Variants in LHPP observed in about 807,000 individuals in gnomAD.
The protein encoded by LHPP is hLHPP.
A neutral mutation model predicts 30.3 loss-of-function variants in LHPP; 24 were observed. That is an observed-to-expected ratio of 0.79 (90% CI 0.57 to 1.11). LHPP has a LOEUF of 1.11. Among genes scored for constraint, LHPP ranks in the 50% most tolerant of loss-of-function variants. LHPP has a pLI of 0.00. For missense variants in LHPP, 356 were observed against 367.2 expected, an observed-to-expected ratio of 0.97 and a Z score of 0.25; for synonymous variants, 150 against 157.1, an observed-to-expected ratio of 0.95 and a Z score of 0.34.
chr10:124,578,450 A>C (rs1185972104), intron 6 of LHPP, among the ~76,000 whole-genome samples: 1 of 152,172 alleles, frequency 6.6e-6, no homozygotes, highest in Admixed American at 6.5e-5. Context: ...TCATTTATTC[A>C]GCAGGGGTTC....
intron 6 of LHPP, among the ~76,000 whole-genome samples, chr10:124,570,135 C>G (rs1470058131): frequency 6.6e-6 from 1 of 152,234 alleles, no homozygotes. Context: ...TCCCTGGCTT[C>G]AATCTCCTTG....
intron 6 of LHPP, among the ~76,000 whole-genome samples, chr10:124,598,086 C>T (rs962156809): frequency 1.6e-4 from 25 of 152,186 alleles, no homozygotes; most frequent in Admixed American, 8.5e-4. Context: ...TCTGAGCCTC[C>T]GTTGGGTCAG....
At chr10:124,582,426 T>C (rs1466961008) in intron 6 of LHPP, among the ~76,000 whole-genome samples, 1 of 152,208 alleles carries the variant, frequency 6.6e-6, no homozygotes, top group African/African-American at 2.4e-5. Context: ...CTTTTTATCA[T>C]TGAGTTGTAA....
intron 6 of LHPP, among the ~76,000 whole-genome samples, chr10:124,528,911 G>A (rs1954811408): frequency 1.3e-5 from 2 of 152,020 alleles, no homozygotes; most frequent in South Asian, 4.1e-4. Context: ...AGGGATCTCT[G>A]CTCTGTTGGT....
rs1954495679 is a variant in LHPP at position 124,517,716 on chromosome 10, C to G, written c.716+445C>G. Among the ~76,000 whole-genome samples, 1 of 152,212 alleles carries G rather than the reference C, an allele frequency of 6.6e-6. No homozygotes were observed. Among genetic ancestry groups the G allele is most frequent in the Admixed American group, 6.5e-5 (1 of 15,282 alleles). On this transcript the variant is annotated intron_variant, in intron 6 of 6. Coordinates refer to ENST00000368842, the MANE Select transcript of LHPP (RefSeq NM_022126.4). This position sits in a 1 kb window ranked among gnomAD's most constrained non-coding sequence, Gnocchi z 4.1. ...TAAGACACAGAGAGCCTGGAGACGA[C>G]AGAGGGTTGCTCAGGCATGCCCTGG...
chr10:124,607,394 A>C (rs1188780147), intron 6 of LHPP, among the ~76,000 whole-genome samples: 1 of 152,366 alleles, frequency 6.6e-6, no homozygotes, highest in South Asian at 2.1e-4. Flanking sequence ...ATTAAGACAT[A>C]AAAGTCCACG....
chr10:124,610,914 C>T (rs878958980), intron 6 of LHPP, among the ~76,000 whole-genome samples: 1 of 52,852 alleles, frequency 1.9e-5, no homozygotes, highest in Non-Finnish European at 3.8e-5. Flanking sequence ...GGTGAGGGTG[C>T]TGATGGAGCG....
chr10:124,485,119 T>C (rs1589776579), intron 2 of LHPP, among the ~76,000 whole-genome samples: 1 of 152,088 alleles, frequency 6.6e-6, no homozygotes, highest in South Asian at 2.1e-4. Context: ...TGGCGGGTGC[T>C]CCCTGGAAAG....
chr10:124,503,868 A>G (rs1349770143), intron 5 of LHPP, among the ~76,000 whole-genome samples: 3 of 152,202 alleles, frequency 2.0e-5, no homozygotes, highest in Non-Finnish European at 4.4e-5. Context: ...AGAAAGGCTA[A>G]TGCTTTAAGT....
intron 6 of LHPP, among the ~76,000 whole-genome samples, chr10:124,560,660 G>A (rs1303316465): frequency 1.3e-5 from 2 of 152,216 alleles, no homozygotes; most frequent in Non-Finnish European, 2.9e-5. Flanking sequence ...GCTCACAGGT[G>A]AGCGGGGGCA....
chr10:124,507,384 ATAGGGAGTATTTCAGGTGGGGAGGG>A (rs1954155980), intron 5 of LHPP, among the ~76,000 whole-genome samples: 1 of 800 alleles, frequency 1.3e-3, no homozygotes, highest in Non-Finnish European at 2.0e-3. Context: ...AGGTGGGGGG[ATAGGGAGTATTTCAGGTGGGGAGGG>A]TAGGGAGGAT....
chr10:124,609,289 T>C (rs1031174946), intron 6 of LHPP, among the ~76,000 whole-genome samples: 1 of 152,160 alleles, frequency 6.6e-6, no homozygotes, highest in African/African-American at 2.4e-5. Context: ...GTCACCCAGG[T>C]TGGAATGCAG....
At chr10:124,610,973 G>GTT in intron 6 of LHPP, among the ~76,000 whole-genome samples, 1 of 74,212 alleles carries the variant, frequency 1.3e-5, no homozygotes, top group South Asian at 5.3e-4. Flanking sequence ...GGGTGCGGGT[G>GTT]AGGGTGCTGG....
At position 124,590,442 on chromosome 10, in the gene LHPP, C is replaced by A. The variant is rs17152079; in HGVS notation, c.717-22822C>A. 6.6e-6 allele frequency among the ~76,000 whole-genome samples: 1 copy of A among 152,106 alleles called. No homozygotes were observed. Among genetic ancestry groups the A allele is most frequent in the African/African-American group, 2.4e-5 (1 of 41,396 alleles). Reference sequence around the variant, plus strand: ...ATTCTGAGTTGAGTTCCGACGCAGGCGTGGGCGATGGTGAGCAACTCCAGG... The same window carrying A: ...ATTCTGAGTTGAGTTCCGACGCAGGAGTGGGCGATGGTGAGCAACTCCAGG... On this transcript the variant is annotated intron_variant, in intron 6 of 6. Transcript: ENST00000368842. The surrounding 1 kb of genome is among the most constrained non-coding windows in gnomAD (Gnocchi z 4.3).
intron 6 of LHPP, among the ~76,000 whole-genome samples, chr10:124,610,779 A>G (rs111164546): frequency 8.8e-4 from 44 of 49,830 alleles, no homozygotes; most frequent in African/African-American, 2.9e-3. Flanking sequence ...GAGGGTGCTG[A>G]TGGAGCGGGT....
intron 5 of LHPP, among the ~76,000 whole-genome samples, chr10:124,505,269 A>C (rs1348724104): frequency 6.6e-6 from 1 of 152,206 alleles, no homozygotes; most frequent in Non-Finnish European, 1.5e-5. Context: ...TCTTATGCAC[A>C]GGGTAATAAT....
intron 2 of LHPP, among the ~76,000 whole-genome samples, chr10:124,484,830 G>A (rs1272379056): frequency 2.6e-5 from 4 of 152,294 alleles, no homozygotes; most frequent in Non-Finnish European, 4.4e-5. Flanking sequence ...AATGGCGTAG[G>A]AACAAGGTTT....
chr10:124,508,377 G>A (rs565657857), intron 5 of LHPP, among the ~76,000 whole-genome samples: 250 of 152,316 alleles, frequency 1.6e-3, no homozygotes, highest in African/African-American at 5.7e-3. Context: ...GGCCCAGGAC[G>A]GGGGTCAGCC....
Position 124,496,766 on chromosome 10 carries a change from G to T in LHPP, c.468-195G>T, listed in dbSNP as rs1408327494. Among the ~76,000 whole-genome samples the T allele has an allele frequency of 6.6e-6, 1 of 152,268 alleles. No individual in the cohort carries two copies. The highest frequency in any genetic ancestry group is 1.5e-5 in the Non-Finnish European group (1 of 68,042). ...CTGGCTGCTGCGCTCGCCCCACTGG[G>T]TGTGGCGGCCTGCCGCCCGGCTCTG... On this transcript the variant is annotated intron_variant, in intron 3 of 6. Transcript: ENST00000368842. The surrounding 1 kb of genome is among the most constrained non-coding windows in gnomAD (Gnocchi z 4.3).
Sources: gnomAD v4.1 joint callset for allele counts (sites outside exome capture counted in the v4.1 genomes callset) on GRCh38, gnomAD v4.1.1 for gene constraint, Gnocchi (gnomAD v3.1) non-coding constraint, MANE v1.5 for transcripts, NCBI Gene and HGNC (gene_info 2026-07-23, HGNC 2026-07-21) for gene names.